The following SORCS3 variants were observed in gnomAD, a reference collection of about 807,000 sequenced individuals.
The protein encoded by SORCS3 is sortilin related VPS10 domain containing receptor 3, also known as VPS10 domain-containing receptor SorCS3.
Under a neutral mutation model 146.3 loss-of-function variants are expected in SORCS3, and 57 were observed. That is an observed-to-expected ratio of 0.39 (90% CI 0.31 to 0.49). SORCS3 has a LOEUF of 0.49. SORCS3 is among the 20% of genes least tolerant of loss of function. The pLI is 0.92. For missense variants in SORCS3, 1,341 were observed against 1,575.5 expected (o/e 0.85, Z 2.52); for synonymous variants, 653 against 618.5 (o/e 1.06, Z -0.83).
chr10:104,826,713 C>T (rs1283228750), intron 1 of SORCS3, among the ~76,000 whole-genome samples: 2 of 152,174 alleles, frequency 1.3e-5, no homozygotes, highest in East Asian at 3.9e-4. Context: ...GTGGCAATTT[C>T]AGAAAATGAG....
chr10:104,924,193 G>T lies in SORCS3; in HGVS notation c.795+8261G>T, dbSNP rs2019116125. On this transcript the variant is annotated intron_variant, in intron 3 of 26. Coordinates refer to ENST00000369701, the MANE Select transcript of SORCS3 (RefSeq NM_014978.3). ...TTAAAGGGCTCTCGGAGACTGTGCA[G>T]ACCCTCATTGAACAGAAGAGGCCAC... is the stretch of plus-strand genomic sequence containing the variant. Among the ~76,000 whole-genome samples the T allele has an allele frequency of 2.0e-5, 3 of 152,148 alleles. No individual in the cohort carries two copies. In the South Asian group the frequency reaches 6.2e-4, roughly 32 times the overall value.
intron 3 of SORCS3, among the ~76,000 whole-genome samples, chr10:104,964,236 G>T (rs1359095117): frequency 6.7e-6 from 1 of 149,784 alleles, no homozygotes; most frequent in African/African-American, 2.4e-5. Flanking sequence ...ATCAATGCCT[G>T]GGTCTGCGTT....
chr10:104,843,885 T>G (rs1024765291), intron 2 of SORCS3, among the ~76,000 whole-genome samples: 2 of 152,216 alleles, frequency 1.3e-5, no homozygotes, highest in Non-Finnish European at 2.9e-5. Context: ...GTGTCAATAC[T>G]GGGCAGGAAG....
intron 4 of SORCS3, among the ~76,000 whole-genome samples, chr10:105,011,880 AT>A (rs903529663): frequency 1.3e-5 from 2 of 152,188 alleles, no homozygotes; most frequent in Non-Finnish European, 2.9e-5. Flanking sequence ...CGTCTGTAAT[AT>A]TTTTAAAAGT....
chr10:104,773,197 G>C lies in SORCS3; in HGVS notation c.628-69595G>C, dbSNP rs538060972. ...GGTGACAGTCATGCAGCAGGGACAGGTGCACGAGTATCTGAGACCACAGAG... is the reference window on the plus strand; with the variant it reads ...GGTGACAGTCATGCAGCAGGGACAGCTGCACGAGTATCTGAGACCACAGAG... On this transcript the variant is annotated intron_variant, in intron 1 of 26. Coordinates refer to ENST00000369701, the MANE Select transcript of SORCS3 (RefSeq NM_014978.3). Among the ~76,000 whole-genome samples, 6 of 152,268 alleles carry C rather than the reference G, an allele frequency of 3.9e-5. No homozygotes were observed. In the East Asian group the frequency reaches 9.7e-4, roughly 25 times the overall value.
At chr10:104,695,783 T>C (rs965884576) in intron 1 of SORCS3, among the ~76,000 whole-genome samples, 1 of 151,626 alleles carries the variant, frequency 6.6e-6, no homozygotes, top group African/African-American at 2.4e-5. Context: ...ATAGATCGAC[T>C]TCATCCTTTT....
rs193226496 is a variant in SORCS3, at chr10:105,235,995, T to G, written c.2869-9547T>G. Among the ~76,000 whole-genome samples, 303 of 152,250 alleles carry G rather than the reference T, an allele frequency of 2.0e-3. 2 individuals are homozygous for G. Among genetic ancestry groups the G allele is most frequent in the Admixed American group, 0.018 (281 of 15,276 alleles). On this transcript the variant is annotated intron_variant, in intron 20 of 26. Transcript: ENST00000369701. ...GTGCTTTTCATGATGTTATTAGAAC[T>G]TATATTTAGCATGGGTTGGTAAAAT...
intron 1 of SORCS3, among the ~76,000 whole-genome samples, chr10:104,700,770 C>T (rs1291985164): frequency 1.3e-5 from 2 of 152,138 alleles, no homozygotes; most frequent in African/African-American, 4.8e-5. Context: ...ACACAGCCAG[C>T]CTCATGCCTA....
chr10:104,854,530 T>G (rs977867935), intron 2 of SORCS3, among the ~76,000 whole-genome samples: 1 of 152,222 alleles, frequency 6.6e-6, no homozygotes, highest in Non-Finnish European at 1.5e-5. Context: ...ATATTGACAT[T>G]GATATAATCC....
At chr10:105,133,574 C>A (rs1167886015) in intron 7 of SORCS3, among the ~76,000 whole-genome samples, 1 of 152,150 alleles carries the variant, frequency 6.6e-6, no homozygotes, top group African/African-American at 2.4e-5. Flanking sequence ...ATGAAATATT[C>A]TTTACATGAT....
chr10:104,861,311 A>G (rs2018398535), intron 2 of SORCS3, among the ~76,000 whole-genome samples: 1 of 152,134 alleles, frequency 6.6e-6, no homozygotes, highest in East Asian at 1.9e-4. Context: ...CAGTTATGCC[A>G]CTTTCTAGCT....
intron 1 of SORCS3, among the ~76,000 whole-genome samples, chr10:104,658,053 C>A (rs953543024): frequency 1.3e-5 from 2 of 152,112 alleles, no homozygotes; most frequent in East Asian, 3.9e-4. Context: ...AGCTTTGCAG[C>A]TGAATTCATT....
intron 3 of SORCS3, among the ~76,000 whole-genome samples, chr10:104,971,075 G>A (rs558827040): frequency 6.6e-6 from 1 of 152,328 alleles, no homozygotes; most frequent in Non-Finnish European, 1.5e-5. Flanking sequence ...CAAAAAAGTT[G>A]TGCTTCTGAC....
chr10:105,015,411 A>G (rs1298035117), intron 4 of SORCS3, among the ~76,000 whole-genome samples: 2 of 152,186 alleles, frequency 1.3e-5, no homozygotes. Flanking sequence ...GACACAGTGG[A>G]ATATTATTTG....
chr10:104,827,498 T>A (rs1354767939), intron 1 of SORCS3, among the ~76,000 whole-genome samples: 1 of 152,150 alleles, frequency 6.6e-6, no homozygotes, highest in Admixed American at 6.5e-5. Flanking sequence ...GTCTCAACAG[T>A]GGGCTTAAAA....
chr10:105,218,596 T>C (rs1407881501), intron 19 of SORCS3, among the ~76,000 whole-genome samples: 4 of 152,214 alleles, frequency 2.6e-5, no homozygotes, highest in Non-Finnish European at 5.9e-5. Context: ...AGGTGGGTGA[T>C]GTGCACGGTG....
At chr10:105,035,033 C>T (rs1374446932) in intron 4 of SORCS3, among the ~76,000 whole-genome samples, 1 of 152,212 alleles carries the variant, frequency 6.6e-6, no homozygotes, top group Non-Finnish European at 1.5e-5. Context: ...TGCTCCCTAT[C>T]ATGAGGATAT....
intron 5 of SORCS3, among the ~76,000 whole-genome samples, chr10:105,045,657 A>T (rs1337759358): frequency 6.6e-6 from 1 of 152,142 alleles, no homozygotes; most frequent in African/African-American, 2.4e-5. Flanking sequence ...AAGACAAAAT[A>T]TGCATTTCTC....
chr10:104,874,547 G>A (rs1026888191), intron 2 of SORCS3, among the ~76,000 whole-genome samples: 1 of 151,878 alleles, frequency 6.6e-6, no homozygotes, highest in Admixed American at 6.6e-5. Flanking sequence ...AACTATAGGG[G>A]CCCTCTGGAA....
Sources: allele counts gnomAD v4.1 joint callset (sites outside exome capture counted in the v4.1 genomes callset), GRCh38; gene constraint gnomAD v4.1.1; transcripts MANE v1.5; gene names NCBI Gene and HGNC (gene_info 2026-07-23, HGNC 2026-07-21).